Variants in SUGCT observed in about 807,000 individuals in gnomAD.
The protein encoded by SUGCT is succinyl-CoA:glutarate CoA-transferase.
SUGCT carries 41 observed loss-of-function variants against 55.0 expected under a neutral mutation model. That is an observed-to-expected ratio of 0.74 (90% CI 0.58 to 0.97). The LOEUF is 0.97. SUGCT is among the 50% of genes least tolerant of loss of function. The pLI, the probability that SUGCT is intolerant of heterozygous loss-of-function variation, is 0.00. For synonymous variants in SUGCT, 187 were observed against 200.4 expected (o/e 0.93, Z 0.56); for missense variants, 568 against 547.8 (o/e 1.04, Z -0.37).
intron 12 of SUGCT, among the ~76,000 whole-genome samples, chr7:40,685,986 C>T (rs1784444930): frequency 1.3e-5 from 2 of 152,184 alleles, no homozygotes; most frequent in Non-Finnish European, 2.9e-5. Context: ...TTTTCTATCT[C>T]TTTTAGTTCT....
intron 12 of SUGCT, among the ~76,000 whole-genome samples, chr7:40,609,493 G>C (rs1248554683): frequency 6.6e-6 from 1 of 151,138 alleles, no homozygotes; most frequent in African/African-American, 2.4e-5. Context: ...CATGAACCTG[G>C]GAGGTGGAGC....
intron 13 of SUGCT, among the ~76,000 whole-genome samples, chr7:40,854,419 CCTTTCTTTCTTTCTTTCTTTCTTT>C (rs70990650): frequency 4.5e-5 from 4 of 88,840 alleles, no homozygotes; most frequent in Admixed American, 1.2e-4. Flanking sequence ...TTCTTTCTTT[CCTTTCTTTCTTTCTTTCTTTCTTT>C]CTTTCTTTCT....
intron 13 of SUGCT, among the ~76,000 whole-genome samples, chr7:40,761,359 A>C (rs561212726): frequency 6.6e-6 from 1 of 152,346 alleles, no homozygotes; most frequent in East Asian, 1.9e-4. Context: ...CAGTTCATGC[A>C]GGTGAAAATA....
intron 12 of SUGCT, among the ~76,000 whole-genome samples, chr7:40,685,226 TC>T (rs1784416108): frequency 6.6e-6 from 1 of 152,128 alleles, no homozygotes; most frequent in Non-Finnish European, 1.5e-5. Context: ...CTGTGTTTGT[TC>T]TAGTAATTCA....
intron 5 of SUGCT, among the ~76,000 whole-genome samples, chr7:40,193,534 C>T (rs1241297570): frequency 1.3e-5 from 2 of 151,904 alleles, no homozygotes; most frequent in African/African-American, 2.4e-5. Context: ...ATCTGCCTAC[C>T]TAGGCCCCCC....
intron 6 of SUGCT, among the ~76,000 whole-genome samples, chr7:40,206,867 C>A (rs1787005060): frequency 6.6e-6 from 1 of 152,006 alleles, no homozygotes; most frequent in Admixed American, 6.6e-5. Flanking sequence ...GGATGTGGAA[C>A]CCATGGATAC....
At chr7:41,029,684 A>G in the SUGCT span, among the ~76,000 whole-genome samples, 2 of 152,134 alleles carry the variant, frequency 1.3e-5, no homozygotes, top group Non-Finnish European at 2.9e-5. Flanking sequence ...TCCTCTCCCC[A>G]GTTTTCCCTG....
chr7:40,516,684 T>C (rs1793253336), intron 12 of SUGCT, among the ~76,000 whole-genome samples: 1 of 152,150 alleles, frequency 6.6e-6, no homozygotes, highest in South Asian at 2.1e-4. Flanking sequence ...TTCATTAATT[T>C]ATATATCTAT....
At chr7:40,289,954 C>T (rs1306101191) in intron 8 of SUGCT, among the ~76,000 whole-genome samples, 11 of 152,120 alleles carry the variant, frequency 7.2e-5, no homozygotes, top group East Asian at 3.9e-4. Flanking sequence ...ACAAGGGATG[C>T]GAAAGACCTC....
chr7:40,140,733 A>G (rs971071329), intron 1 of SUGCT, among the ~76,000 whole-genome samples: 2 of 152,108 alleles, frequency 1.3e-5, no homozygotes, highest in Non-Finnish European at 1.5e-5. Flanking sequence ...TATGAGTATT[A>G]TGCTGTTTTG....
In SUGCT at chr7:40,392,493, C is replaced by T. The variant is rs79937413; in HGVS notation, c.817-56794C>T. Among the ~76,000 whole-genome samples, 411 of 151,682 alleles carry T rather than the reference C, an allele frequency of 2.7e-3. 4 individuals are homozygous for T. The highest frequency in any genetic ancestry group is 8.7e-3 in the African/African-American group (361 of 41,358). Reference sequence around the variant, plus strand: ...AGAAATGAATTCCAGGTAGAGGGTTCGGAAAGCACATCTTATTATTGTTAC... The same window carrying T: ...AGAAATGAATTCCAGGTAGAGGGTTTGGAAAGCACATCTTATTATTGTTAC... On this transcript the variant is annotated intron_variant, in intron 9 of 13. Transcript: ENST00000335693.
In SUGCT at chr7:40,786,422, G is replaced by C. The variant is rs971932331; in HGVS notation, c.1153+36925G>C. Among the ~76,000 whole-genome samples, 6 of 152,284 alleles carry C rather than the reference G, an allele frequency of 3.9e-5. No individual in the cohort carries two copies. The East Asian group carries it at 1.2e-3, about 29-fold the overall frequency. ...GAATTACTTATTATCTCAGCTGTGAGGTTGGCCTTACCATAGTTACTTGGC... is the reference window on the plus strand; with the variant it reads ...GAATTACTTATTATCTCAGCTGTGACGTTGGCCTTACCATAGTTACTTGGC... On this transcript the variant is annotated intron_variant, in intron 13 of 13. Transcript: ENST00000335693.
chr7:40,776,100 C>T (rs1177705907), intron 13 of SUGCT, among the ~76,000 whole-genome samples: 1 of 152,180 alleles, frequency 6.6e-6, no homozygotes, highest in Non-Finnish European at 1.5e-5. Flanking sequence ...GCGGTTGTCC[C>T]CATCCTGCCG....
At chr7:40,389,410 C>T (rs1785291068) in intron 9 of SUGCT, among the ~76,000 whole-genome samples, 1 of 151,720 alleles carries the variant, frequency 6.6e-6, no homozygotes, top group Admixed American at 6.6e-5. Flanking sequence ...CATGACTACG[C>T]CACTGTACTC....
Position 40,610,676 on chromosome 7 carries a change from T to C in SUGCT, c.1089+114290T>C, listed in dbSNP as rs184147470. ...GCATTTGTTTTGGCAAAGCCAAAAT[T>C]GAGTGTTTAGAAATGGGGTGTTCTG... On this transcript the variant is annotated intron_variant, in intron 12 of 13. Transcript: ENST00000335693. 3.4e-3 allele frequency among the ~76,000 whole-genome samples: 525 copies of C among 152,318 alleles called. 4 individuals carry two copies. Among genetic ancestry groups the C allele is most frequent in the African/African-American group, 0.012 (501 of 41,574 alleles).
At chr7:40,467,204 G>GAAAAAAAAAAAAAAAAAAAAAAAAA (rs762283927) in intron 11 of SUGCT, among the ~76,000 whole-genome samples, 1 of 83,620 alleles carries the variant, frequency 1.2e-5, no homozygotes, top group Non-Finnish European at 2.3e-5. Context: ...CTAAGAAAAA[G>GAAAAAAAAAAAAAAAAAAAAAAAAA]AAAAAAAAAA....
At chr7:40,944,507 A>G in the SUGCT span, among the ~76,000 whole-genome samples, 12 of 152,138 alleles carry the variant, frequency 7.9e-5, no homozygotes, top group African/African-American at 2.9e-4. Flanking sequence ...ATGGCTAGCC[A>G]GTTTTCCCAG....
the SUGCT span, among the ~76,000 whole-genome samples, chr7:40,959,597 G>T: frequency 6.6e-6 from 1 of 152,134 alleles, no homozygotes; most frequent in Non-Finnish European, 1.5e-5. Flanking sequence ...ATCTTAGCTT[G>T]CTGGGCTCTA....
intron 9 of SUGCT, among the ~76,000 whole-genome samples, chr7:40,367,273 G>C (rs1285538904): frequency 7.6e-6 from 1 of 130,976 alleles, no homozygotes; most frequent in African/African-American, 2.8e-5. Flanking sequence ...TGTGGGGTGG[G>C]GGGAGGGGGG....
Sources: gnomAD v4.1 joint callset for allele counts (sites outside exome capture counted in the v4.1 genomes callset) on GRCh38, gnomAD v4.1.1 for gene constraint, MANE v1.5 for transcripts, NCBI Gene and HGNC (gene_info 2026-07-23, HGNC 2026-07-21) for gene names.